MYO16: variants seen among roughly 807,000 people sequenced by gnomAD.
MYO16 encodes the protein unconventional myosin-XVI.
A neutral mutation model predicts 205.3 loss-of-function variants in MYO16; 94 were observed. That is an observed-to-expected ratio of 0.46 (90% confidence interval 0.39 to 0.54). The LOEUF is 0.54. Among genes scored for constraint, MYO16 ranks in the 20% least tolerant of loss-of-function variants. The probability of loss-of-function intolerance (pLI) is 0.00; values close to 1 mark genes in which losing one functional copy is unlikely to be tolerated. For missense variants in MYO16, 2,315 were observed against 2,387.5 expected (o/e 0.97, Z 0.63); for synonymous variants, 988 against 954.0 (o/e 1.04, Z -0.66).
intron 9 of MYO16, among the ~76,000 whole-genome samples, chr13:108,828,124 C>T (rs1451589755): frequency 2.6e-5 from 4 of 152,190 alleles, no homozygotes; most frequent in African/African-American, 7.2e-5. Context: ...CACCTGGACG[C>T]ATGTCCTGTT....
the MYO16 span, among the ~76,000 whole-genome samples, chr13:108,582,196 T>G: frequency 2.6e-5 from 4 of 152,208 alleles, no homozygotes; most frequent in Admixed American, 6.5e-5. Context: ...GACCTTCTCT[T>G]GACCGTTTGT....
intron 20 of MYO16, among the ~76,000 whole-genome samples, chr13:108,974,706 A>G (rs941425344): frequency 4.6e-5 from 7 of 152,200 alleles, no homozygotes; most frequent in African/African-American, 7.2e-5. Context: ...TAATAGATGG[A>G]TAACATAATT....
intron 4 of MYO16, among the ~76,000 whole-genome samples, chr13:108,744,337 C>T: frequency 6.6e-6 from 1 of 152,164 alleles, no homozygotes; most frequent in Non-Finnish European, 1.5e-5. Context: ...TCATAGTCAC[C>T]TCTCCAAGGA....
At chr13:108,554,847 CT>C in the MYO16 span, among the ~76,000 whole-genome samples, 3 of 43,588 alleles carry the variant, frequency 6.9e-5, no homozygotes, top group Non-Finnish European at 1.2e-4. Context: ...GAGACTCTGA[CT>C]AAAAAAAAAA....
chr13:108,666,119 G>A lies in MYO16; in HGVS notation c.262G>A (p.Asp88Asn). 6.2e-7 allele frequency: 1 copy of A among 1,611,574 alleles called. No individual in the cohort carries two copies. ...CTTCAACCTCACGGACATGCTACAG[G>A]ACGCGATTATCCACCACAATGACAA... ...VHFNLTDMLQ[D>N]AIIHHNDKEV... The change falls in exon 2 of 35, where the codon GAC (aspartate) becomes AAC (asparagine). Residue 88 changes from aspartate to asparagine, a missense_variant. Around this residue, in one of 3 missense-constraint regions of MYO16, gnomAD observed 1,213 missense variants for 1,274.4 expected, o/e 0.95. Coordinates refer to ENST00000457511, the MANE Select transcript of MYO16 (RefSeq NM_001198950.3).
chr13:108,562,498 GT>G, the MYO16 span, among the ~76,000 whole-genome samples: 2 of 152,156 alleles, frequency 1.3e-5, no homozygotes, highest in East Asian at 3.9e-4. Context: ...TTGGATGCAG[GT>G]TTTAAGGATG....
intron 24 of MYO16, among the ~76,000 whole-genome samples, chr13:109,047,382 T>C (rs1887081592): frequency 6.6e-6 from 1 of 152,152 alleles, no homozygotes; most frequent in Non-Finnish European, 1.5e-5. Flanking sequence ...GGGTGGTATT[T>C]TATTCTTATG....
chr13:108,894,736 A>C (rs1352823401), intron 14 of MYO16, among the ~76,000 whole-genome samples: 1 of 152,218 alleles, frequency 6.6e-6, no homozygotes. Context: ...CTTCAAGTGC[A>C]CTTTACCCAC....
At chr13:108,954,853 T>C (rs1883287686) in intron 16 of MYO16, among the ~76,000 whole-genome samples, 1 of 152,150 alleles carries the variant, frequency 6.6e-6, no homozygotes, top group Non-Finnish European at 1.5e-5. Flanking sequence ...CCTTGACCTT[T>C]TCCTGTTCCA....
At chr13:108,638,031 A>G (rs1880336345) in intron 1 of MYO16, among the ~76,000 whole-genome samples, 1 of 152,190 alleles carries the variant, frequency 6.6e-6, no homozygotes, top group East Asian at 1.9e-4. Context: ...TGAGAAAAAT[A>G]AAGGTGTTTA....
intron 23 of MYO16, among the ~76,000 whole-genome samples, chr13:109,021,615 G>A (rs768135316): frequency 2.6e-4 from 40 of 152,106 alleles, no homozygotes; most frequent in Non-Finnish European, 4.9e-4. Context: ...CAGCCTTGGC[G>A]GTACAGGCAG....
intron 17 of MYO16, among the ~76,000 whole-genome samples, chr13:108,959,729 TAGCCGGGC>T (rs1284404475): frequency 2.0e-5 from 3 of 152,176 alleles, no homozygotes; most frequent in Non-Finnish European, 4.4e-5. Context: ...CTCTCCCGTC[TAGCCGGGC>T]GGCAGGGATG....
intron 24 of MYO16, among the ~76,000 whole-genome samples, chr13:109,050,388 C>A (rs1468736865): frequency 6.6e-6 from 1 of 152,004 alleles, no homozygotes; most frequent in African/African-American, 2.4e-5. Context: ...AGTGGGGTAT[C>A]CTTCTCGGCA....
At chr13:108,519,626 T>TAC in the MYO16 span, among the ~76,000 whole-genome samples, 40,722 of 108,356 alleles carry the variant, frequency 0.38, 6,098 homozygotes, top group Non-Finnish European at 0.4. Context: ...ATATGCAAAA[T>TAC]ACACACACAC....
intron 21 of MYO16, among the ~76,000 whole-genome samples, chr13:109,001,126 C>A (rs1240392479): frequency 6.8e-6 from 1 of 147,798 alleles, no homozygotes; most frequent in Non-Finnish European, 1.5e-5. Context: ...TCTAAGGAAG[C>A]CAGAGAAGGA....
At chr13:108,770,601 AC>A (rs1885929570) in intron 4 of MYO16, among the ~76,000 whole-genome samples, 1 of 152,190 alleles carries the variant, frequency 6.6e-6, no homozygotes, top group Non-Finnish European at 1.5e-5. Context: ...GCTCAAAGTT[AC>A]CACCTCATAA....
intron 23 of MYO16, among the ~76,000 whole-genome samples, chr13:109,045,031 G>T (rs1202203064): frequency 6.6e-6 from 1 of 152,152 alleles, no homozygotes; most frequent in Non-Finnish European, 1.5e-5. Context: ...TAACAGTGTG[G>T]TAATGCATTT....
At chr13:109,150,122 A>G (rs753842480) in intron 32 of MYO16, among the ~76,000 whole-genome samples, 28 of 152,306 alleles carry the variant, frequency 1.8e-4, no homozygotes, top group South Asian at 6.2e-4. Context: ...GTACAGACAG[A>G]TGATCAGCAG....
In MYO16 at chr13:108,823,178, T is replaced by G; in HGVS notation, c.997T>G (p.Trp333Gly). The G allele has an allele frequency of 1.2e-6, 2 of 1,612,990 alleles. No homozygotes were observed. Among genetic ancestry groups the G allele is most frequent in the Non-Finnish European group, 1.7e-6 (2 of 1,179,504 alleles). Residue 333 changes from tryptophan to glycine, a missense_variant, in exon 9 of 35, where the codon TGG becomes GGG. Coordinates refer to ENST00000457511, the MANE Select transcript of MYO16 (RefSeq NM_001198950.3). ...AATGCTGCTGAAAGCCGAAATTGCC[T>G]GGGAAGAAAAAATGAAAGAGCCTTT... ...EEMLLKAEIAWEEKMKEPLSA... is the reference protein window; with the variant it reads ...EEMLLKAEIAGEEKMKEPLSA...
Sources: gnomAD v4.1 joint callset for allele counts (sites outside exome capture counted in the v4.1 genomes callset) on GRCh38, gnomAD v4.1.1 for gene constraint, gnomAD v4.1.1 regional missense constraint, MANE v1.5 for transcripts, NCBI Gene and HGNC (gene_info 2026-07-23, HGNC 2026-07-21) for gene names.